Variants in LRGUK observed in about 807,000 individuals in gnomAD.
LRGUK encodes the protein leucine rich repeats and guanylate kinase domain containing, also known as leucine-rich repeat and guanylate kinase domain-containing protein.
A neutral mutation model predicts 76.0 loss-of-function variants in LRGUK; 65 were observed. That is an observed-to-expected ratio of 0.85 (90% CI 0.70 to 1.05). LRGUK has a LOEUF of 1.05. LRGUK is among the 50% of genes least tolerant of loss of function. The pLI is 0.00. For missense variants in LRGUK, 758 were observed against 732.8 expected (o/e 1.03, Z -0.40); for synonymous variants, 268 against 265.6 (o/e 1.01, Z -0.09).
chr7:134,258,196 G>T (rs1802631170), intron 18 of LRGUK, 61 bp from the exon 19 acceptor site: 2 of 1,603,056 alleles, frequency 1.2e-6, no homozygotes, highest in Admixed American at 1.7e-5. Flanking sequence ...CATAGATCGT[G>T]TGGCCATTAG....
intron 1 of LRGUK, among the ~76,000 whole-genome samples, chr7:134,128,829 C>T (rs1260158694): frequency 3.9e-5 from 6 of 152,138 alleles, no homozygotes; most frequent in African/African-American, 1.4e-4. Context: ...GGATTACAGG[C>T]GTGAGCCACC....
chr7:134,254,183 A>G (rs925675942), intron 18 of LRGUK, among the ~76,000 whole-genome samples: 3 of 152,202 alleles, frequency 2.0e-5, no homozygotes, highest in African/African-American at 7.2e-5. Flanking sequence ...ATTTTTTAAA[A>G]TTATTTTTTA....
chr7:134,193,038 A>G (rs752296631), intron 12 of LRGUK, among the ~76,000 whole-genome samples: 3 of 152,164 alleles, frequency 2.0e-5, no homozygotes, highest in African/African-American at 4.8e-5. Flanking sequence ...TGCAGTTTCT[A>G]TGAGTTTAAT....
intron 6 of LRGUK, 135 bp from the exon 7 acceptor site, chr7:134,163,262 G>A (rs17167548): frequency 0.12 from 82,953 of 680,870 alleles, 6,714 homozygotes; most frequent in East Asian, 0.33. Flanking sequence ...ATGGAAATGG[G>A]ATGGAGGGAA....
downstream of LRGUK, among the ~76,000 whole-genome samples, chr7:134,267,769 G>A (rs766412381): frequency 5.3e-5 from 8 of 151,972 alleles, no homozygotes; most frequent in Non-Finnish European, 7.4e-5. Flanking sequence ...TATCAGCAGC[G>A]TGAAAACGGA....
At chr7:134,129,065 CT>C (rs1797160047) in intron 1 of LRGUK, among the ~76,000 whole-genome samples, 1 of 151,150 alleles carries the variant, frequency 6.6e-6, no homozygotes, top group African/African-American at 2.4e-5. Flanking sequence ...TTCTTTCTTT[CT>C]CTTTCTTTCT....
chr7:134,188,837 C>T (rs1201873672), intron 11 of LRGUK, among the ~76,000 whole-genome samples: 1 of 152,128 alleles, frequency 6.6e-6, no homozygotes, highest in Non-Finnish European at 1.5e-5. Context: ...TTTGCAATAA[C>T]AAGTTCATTA....
chr7:134,131,516 G>A (rs448323), intron 1 of LRGUK, among the ~76,000 whole-genome samples: 127,691 of 152,134 alleles, frequency 0.84, 54,214 homozygotes, highest in Non-Finnish European at 0.9. Context: ...GTGTGGGCAG[G>A]CAGGTGGCAG....
intron 5 of LRGUK, among the ~76,000 whole-genome samples, chr7:134,152,445 T>A (rs1449525289): frequency 6.6e-6 from 1 of 152,010 alleles, no homozygotes; most frequent in African/African-American, 2.4e-5. Context: ...AAAAGAATTT[T>A]ATGGAAAATA....
intron 2 of LRGUK, among the ~76,000 whole-genome samples, chr7:134,138,812 G>T (rs1436380023): frequency 6.6e-6 from 1 of 152,130 alleles, no homozygotes; most frequent in Non-Finnish European, 1.5e-5. Context: ...TTTGGACAAG[G>T]ATTCAAGAGA....
chr7:134,171,444 ATATATTCACATATAGAAATG>A (rs1424455024), intron 7 of LRGUK, among the ~76,000 whole-genome samples: 1 of 151,680 alleles, frequency 6.6e-6, no homozygotes, highest in African/African-American at 2.4e-5. Context: ...ATATATTTTT[ATATATTCACATATAGAAATG>A]TATATTCACA....
chr7:134,237,862 T>C (rs914772733), intron 16 of LRGUK, among the ~76,000 whole-genome samples: 7 of 152,336 alleles, frequency 4.6e-5, no homozygotes, highest in Admixed American at 2.0e-4. Context: ...TTTTCTATTA[T>C]GTATTTCTCT....
At chr7:134,165,181 G>A (rs1170181970) in intron 7 of LRGUK, among the ~76,000 whole-genome samples, 1 of 152,090 alleles carries the variant, frequency 6.6e-6, no homozygotes, top group Admixed American at 6.6e-5. Context: ...AAATAATCTA[G>A]AGATATTTGT....
chr7:134,140,051 C>G (rs1197769457), intron 3 of LRGUK, among the ~76,000 whole-genome samples: 2 of 152,160 alleles, frequency 1.3e-5, no homozygotes, highest in African/African-American at 4.8e-5. Context: ...TCACTGCAAC[C>G]TCCGCCTCCT....
At chr7:134,145,976 T>C (rs2116858584) in intron 4 of LRGUK, among the ~76,000 whole-genome samples, 1 of 152,192 alleles carries the variant, frequency 6.6e-6, no homozygotes, top group Admixed American at 6.5e-5. Flanking sequence ...CCCTTTAAGG[T>C]CTTTCAAGAA....
chr7:134,256,680 C>T (rs1055277602), intron 18 of LRGUK, among the ~76,000 whole-genome samples: 3 of 152,142 alleles, frequency 2.0e-5, no homozygotes, highest in South Asian at 2.1e-4. Flanking sequence ...CAACCTCCAC[C>T]CCACCTTCCC....
At chr7:134,240,547 A>G (rs1365605049) in intron 16 of LRGUK, among the ~76,000 whole-genome samples, 1 of 152,210 alleles carries the variant, frequency 6.6e-6, no homozygotes, top group Admixed American at 6.5e-5. Context: ...AAAATATGGG[A>G]CTATGTGAAA....
chr7:134,266,845 A>T (rs1802865443), downstream of LRGUK, among the ~76,000 whole-genome samples: 1 of 152,244 alleles, frequency 6.6e-6, no homozygotes, highest in South Asian at 2.1e-4. Flanking sequence ...CACAAGACAC[A>T]TAATAATCAC....
intron 15 of LRGUK, among the ~76,000 whole-genome samples, chr7:134,205,909 A>G (rs1183163317): frequency 6.6e-6 from 1 of 152,262 alleles, no homozygotes; most frequent in Non-Finnish European, 1.5e-5. Context: ...TCCTGTATCA[A>G]TGCAAACAGA....
Sources: allele counts gnomAD v4.1 joint callset (sites outside exome capture counted in the v4.1 genomes callset), GRCh38; gene constraint gnomAD v4.1.1; transcripts MANE v1.5; gene names NCBI Gene and HGNC (gene_info 2026-07-23, HGNC 2026-07-21).